AJAP1: variants seen among roughly 807,000 people sequenced by gnomAD.
AJAP1 encodes adherens junction-associated protein 1.
A neutral mutation model predicts 35.0 loss-of-function variants in AJAP1; 5 were observed. That is an observed-to-expected ratio of 0.14 (90% CI 0.07 to 0.30). AJAP1 has a LOEUF of 0.30. AJAP1 is among the 10% of genes least tolerant of loss of function. AJAP1 has a pLI of 1.00. For missense variants in AJAP1, 586 were observed against 571.0 expected (o/e 1.03, Z -0.27); for synonymous variants, 284 against 249.3 (o/e 1.14, Z -1.31).
chr1:4,748,683 G>A (rs1419176148), intron 2 of AJAP1, among the ~76,000 whole-genome samples: 1 of 150,318 alleles, frequency 6.7e-6, no homozygotes, highest in Non-Finnish European at 1.5e-5. Context: ...GGGAGGCTGA[G>A]GTTGCAGTTA....
intron 2 of AJAP1, among the ~76,000 whole-genome samples, chr1:4,746,549 C>T (rs1641192326): frequency 6.6e-6 from 1 of 152,156 alleles, no homozygotes. Flanking sequence ...CATGGTAACC[C>T]CTTATCAGCA....
chr1:4,743,466 G>A (rs1341581114), intron 2 of AJAP1, among the ~76,000 whole-genome samples: 1 of 152,142 alleles, frequency 6.6e-6, no homozygotes, highest in Non-Finnish European at 1.5e-5. Flanking sequence ...TACAGGAAGT[G>A]CAGCTGCCAC....
chr1:4,768,452 A>G (rs1182753664), intron 2 of AJAP1, among the ~76,000 whole-genome samples: 1 of 152,216 alleles, frequency 6.6e-6, no homozygotes, highest in Non-Finnish European at 1.5e-5. Context: ...TTTATGAACA[A>G]TTTCCCCCAT....
intron 2 of AJAP1, among the ~76,000 whole-genome samples, chr1:4,733,465 C>T (rs933416865): frequency 3.4e-5 from 5 of 149,146 alleles, no homozygotes; most frequent in Non-Finnish European, 7.4e-5. Flanking sequence ...CAAAGTATCT[C>T]GTGTGCCCAG....
At chr1:4,748,482 T>C (rs1641244601) in intron 2 of AJAP1, among the ~76,000 whole-genome samples, 1 of 151,888 alleles carries the variant, frequency 6.6e-6, no homozygotes, top group South Asian at 2.1e-4. Flanking sequence ...GTGCGGTGTC[T>C]CACGCCTGTA....
chr1:4,753,105 A>G (rs972096356), intron 2 of AJAP1, among the ~76,000 whole-genome samples: 2 of 152,136 alleles, frequency 1.3e-5, no homozygotes, highest in African/African-American at 4.8e-5. Context: ...GTTTTATATC[A>G]TTGCTGCTGG....
In AJAP1 at chr1:4,720,468, G is replaced by A. The variant is rs113254755; in HGVS notation, c.829+7769G>A. ...TGTCAGGGACAAAGCTGGTGCCAGCGGAGAGAGCGCCCACCTTGGCTCAGA... is the reference window on the plus strand; with the variant it reads ...TGTCAGGGACAAAGCTGGTGCCAGCAGAGAGAGCGCCCACCTTGGCTCAGA... On this transcript the variant is annotated intron_variant, in intron 2 of 5. Transcript: ENST00000378191. This position sits in a 1 kb window ranked among gnomAD's most constrained non-coding sequence, Gnocchi z 4.4. Among the ~76,000 whole-genome samples the A allele has an allele frequency of 1.2e-3, 182 of 152,320 alleles. 1 individual carries two copies. The highest frequency in any genetic ancestry group is 1.9e-3 in the Non-Finnish European group (128 of 68,030).
intron 2 of AJAP1, among the ~76,000 whole-genome samples, chr1:4,749,377 G>A (rs114563016): frequency 0.016 from 2,461 of 152,300 alleles, 57 homozygotes; most frequent in African/African-American, 0.055. Context: ...AATCAAGACA[G>A]CGTTCCTTCC....
At chr1:4,664,628 C>T (rs975863984) in intron 1 of AJAP1, among the ~76,000 whole-genome samples, 4 of 152,150 alleles carry the variant, frequency 2.6e-5, no homozygotes, top group African/African-American at 9.7e-5. Flanking sequence ...AGAGAATGGA[C>T]CCAGGAGAGA....
chr1:4,680,419 C>T (rs529706140), intron 1 of AJAP1, among the ~76,000 whole-genome samples: 1 of 152,194 alleles, frequency 6.6e-6, no homozygotes, highest in South Asian at 2.1e-4. Context: ...AGGTCACAGT[C>T]TGAGGTTCAA....
intron 1 of AJAP1, among the ~76,000 whole-genome samples, chr1:4,709,840 C>G (rs1245633385): frequency 1.3e-5 from 2 of 152,150 alleles, no homozygotes; most frequent in Non-Finnish European, 2.9e-5. Context: ...AAAACTGAAG[C>G]CTTATTGTTT....
At chr1:4,769,796 C>A (rs1641794611) in intron 2 of AJAP1, 57 bp from the exon 3 acceptor site, 1 of 1,478,804 alleles carries the variant, frequency 6.8e-7, no homozygotes, top group Non-Finnish European at 9.5e-7. Context: ...TCCCGGCCCC[C>A]CTCGCCTCCT....
In AJAP1 at chr1:4,769,779, C is replaced by T. The variant is rs1001625967; in HGVS notation, c.830-74C>T. ...CCAGCTGGGTTGGGGGGATGCACCT[C>T]CACCTTTCCCGGCCCCCCTCGCCTC... On this transcript the variant is annotated intron_variant, in intron 2 of 5. Transcript: ENST00000378191. 4 of 1,335,952 alleles carry T rather than the reference C, an allele frequency of 3.0e-6. No individual in the cohort carries two copies. In the African/African-American group the frequency reaches 5.8e-5, roughly 19 times the overall value. 82.8% of individuals were successfully genotyped at this position (1,335,952 alleles called of 1,614,324 possible).
chr1:4,716,593 TTGA>T (rs1039490747), intron 2 of AJAP1, among the ~76,000 whole-genome samples: 38 of 151,242 alleles, frequency 2.5e-4, no homozygotes, highest in South Asian at 1.7e-3. Context: ...GATGATGGTG[TTGA>T]TGATGATGGT....
chr1:4,679,709 A>G (rs1304258748), intron 1 of AJAP1, among the ~76,000 whole-genome samples: 1 of 152,012 alleles, frequency 6.6e-6, no homozygotes, highest in Non-Finnish European at 1.5e-5. Context: ...CTCTGCCTCC[A>G]CTTCACATGG....
At chr1:4,749,337 T>C (rs1437445839) in intron 2 of AJAP1, among the ~76,000 whole-genome samples, 1 of 152,190 alleles carries the variant, frequency 6.6e-6, no homozygotes, top group African/African-American at 2.4e-5. Context: ...AGTCACCTTG[T>C]CCCTGGAACC....
At chr1:4,676,666 A>T (rs969897007) in intron 1 of AJAP1, among the ~76,000 whole-genome samples, 1 of 152,188 alleles carries the variant, frequency 6.6e-6, no homozygotes, top group South Asian at 2.1e-4. Context: ...TGCCCAGCTC[A>T]TCTGTCATCT....
chr1:4,659,131 A>C lies in AJAP1; in HGVS notation c.29+3677A>C, dbSNP rs755969767. On this transcript the variant is annotated intron_variant, in intron 1 of 5. Coordinates refer to ENST00000378191, the MANE Select transcript of AJAP1 (RefSeq NM_018836.4). ...TAGGTAAACACAAAACCCTGACTGGATTGCAAACAGCTGAGCCTTCAAGAG... is the reference window on the plus strand; with the variant it reads ...TAGGTAAACACAAAACCCTGACTGGCTTGCAAACAGCTGAGCCTTCAAGAG... 9.2e-5 allele frequency among the ~76,000 whole-genome samples: 14 copies of C among 152,282 alleles called. 1 individual carries two copies. The highest frequency in any genetic ancestry group is 1.6e-4 in the Non-Finnish European group (11 of 68,026).
rs535420463 is a variant in AJAP1 at position 4,690,088 on chromosome 1, C to T, written c.30-21812C>T. On this transcript the variant is annotated intron_variant, in intron 1 of 5. Coordinates refer to ENST00000378191, the MANE Select transcript of AJAP1 (RefSeq NM_018836.4). ...TGCATTTCCCACTCGCTGACAAAGA[C>T]AAGACTCAGTGCCTGCCCTGGAGGG... Among the ~76,000 whole-genome samples the T allele has an allele frequency of 3.3e-5, 5 of 152,284 alleles. No individual in the cohort carries two copies. In the East Asian group the frequency reaches 9.7e-4, roughly 29 times the overall value.
Sources: allele counts gnomAD v4.1 joint callset (sites outside exome capture counted in the v4.1 genomes callset), GRCh38; gene constraint gnomAD v4.1.1; non-coding constraint Gnocchi (gnomAD v3.1); transcripts MANE v1.5; gene names NCBI Gene and HGNC (gene_info 2026-07-23, HGNC 2026-07-21).